PCDH11X: variants seen among roughly 807,000 people sequenced by gnomAD.
PCDH11X encodes protocadherin 11 X-linked.
In PCDH11X, 18 loss-of-function variants were observed where a neutral mutation model predicts 53.3. The observed-to-expected ratio is 0.34, with a 90% CI of 0.23 to 0.50. The LOEUF is 0.50. PCDH11X is among the 20% of genes least tolerant of loss of function. The pLI, the probability that PCDH11X is intolerant of heterozygous loss-of-function variation, is 0.98. For synonymous variants in PCDH11X, 279 were observed against 393.3 expected (o/e 0.71, Z 3.44); for missense variants, 570 against 1,032.4 (o/e 0.55, Z 6.14).
At chrX:92,000,398 A>C (rs1001390536) in intron 6 of PCDH11X, among the ~76,000 whole-genome samples, 5 of 110,699 alleles carry the variant, frequency 4.5e-5, no homozygotes, top group African/African-American at 1.6e-4. Flanking sequence ...ATTATATTTA[A>C]AGTTATACCT....
chrX:92,490,680 C>G (rs1285061265), intron 10 of PCDH11X, among the ~76,000 whole-genome samples: 1 of 105,188 alleles, frequency 9.5e-6, no homozygotes, highest in Non-Finnish European at 1.9e-5. Flanking sequence ...CACTATCATG[C>G]GTGCCCAGGA....
chrX:92,330,456 G>A lies in PCDH11X; in HGVS notation c.3145-57279G>A, dbSNP rs193026850. 6.2e-3 allele frequency among the ~76,000 whole-genome samples: 691 copies of A among 111,101 alleles called. 8 individuals carry two copies. The highest frequency in any genetic ancestry group is 0.022 in the African/African-American group (676 of 30,602). On this transcript the variant is annotated intron_variant, in intron 8 of 10. Coordinates refer to ENST00000682573, the MANE Select transcript of PCDH11X (RefSeq NM_032968.5). ...TATTGGTGAGGATGTGGAGCAACTG[G>A]AACTCTCTTACACTGCTGGTGGAAA... is the stretch of plus-strand genomic sequence containing the variant.
intron 10 of PCDH11X, among the ~76,000 whole-genome samples, chrX:92,560,200 C>T (rs1383702178): frequency 9.0e-6 from 1 of 111,335 alleles, no homozygotes; most frequent in Non-Finnish European, 1.9e-5. Context: ...CTAGATACAA[C>T]CGGGGCTGGA....
chrX:92,553,828 C>A (rs2075002460), intron 10 of PCDH11X, among the ~76,000 whole-genome samples: 1 of 109,871 alleles, frequency 9.1e-6, no homozygotes, highest in Admixed American at 9.8e-5. Context: ...TTCTTAATTT[C>A]TGGAGTTCTA....
At chrX:92,360,532 T>C (rs1380403071) in intron 8 of PCDH11X, among the ~76,000 whole-genome samples, 1 of 109,933 alleles carries the variant, frequency 9.1e-6, no homozygotes, top group Non-Finnish European at 1.9e-5. Context: ...TTTAAAACAT[T>C]GCAGGGAAAA....
At chrX:91,858,799 A>G (rs1247954303) in intron 5 of PCDH11X, among the ~76,000 whole-genome samples, 1 of 109,352 alleles carries the variant, frequency 9.1e-6, no homozygotes, top group Non-Finnish European at 1.9e-5. Flanking sequence ...TTTATTGTCC[A>G]TTTCACTATC....
intron 6 of PCDH11X, among the ~76,000 whole-genome samples, chrX:92,183,380 C>T (rs6522490): frequency 0.48 from 51,830 of 107,408 alleles, 10,012 homozygotes; most frequent in Non-Finnish European, 0.6. Context: ...CCTCAGCCTC[C>T]CAAATAGCTG....
intron 6 of PCDH11X, among the ~76,000 whole-genome samples, chrX:92,136,163 A>G (rs1377207583): frequency 2.7e-5 from 3 of 110,991 alleles, no homozygotes; most frequent in African/African-American, 9.8e-5. Flanking sequence ...TAAAAGTCAA[A>G]CATCTTGTTG....
intron 6 of PCDH11X, among the ~76,000 whole-genome samples, chrX:92,180,121 T>C (rs1354478622): frequency 8.9e-6 from 1 of 112,033 alleles, no homozygotes; most frequent in Non-Finnish European, 1.9e-5. Context: ...CTTACAATCA[T>C]GGCAGAAGTT....
At chrX:91,977,613 C>A (rs967491333) in intron 6 of PCDH11X, among the ~76,000 whole-genome samples, 7 of 110,471 alleles carry the variant, frequency 6.3e-5, no homozygotes, top group Non-Finnish European at 1.3e-4. Flanking sequence ...GTAGCAGGAA[C>A]AGTCAGTCTC....
intron 6 of PCDH11X, among the ~76,000 whole-genome samples, chrX:91,994,939 T>G (rs771742905): frequency 2.1e-3 from 236 of 111,948 alleles, no homozygotes; most frequent in African/African-American, 7.4e-3. Flanking sequence ...AGCCATCATT[T>G]TTTTGTCTTT....
chrX:91,926,449 A>C (rs1941951987), intron 6 of PCDH11X, among the ~76,000 whole-genome samples: 2 of 111,187 alleles, frequency 1.8e-5, no homozygotes, highest in African/African-American at 6.5e-5. Context: ...TATTTTAGAA[A>C]ACATTTCATA....
At chrX:92,031,664 G>A (rs1459851715) in intron 6 of PCDH11X, among the ~76,000 whole-genome samples, 1 of 111,259 alleles carries the variant, frequency 9.0e-6, no homozygotes, top group Non-Finnish European at 1.9e-5. Flanking sequence ...TTTGTATATG[G>A]TGAGAGACAG....
chrX:92,321,632 G>T (rs1410831017), intron 8 of PCDH11X, among the ~76,000 whole-genome samples: 3 of 111,571 alleles, frequency 2.7e-5, no homozygotes, highest in African/African-American at 9.8e-5. Context: ...GCCTGCTAAG[G>T]CCTTAGATCC....
intron 6 of PCDH11X, among the ~76,000 whole-genome samples, chrX:92,118,893 C>T (rs1315333422): frequency 9.5e-6 from 1 of 105,459 alleles, no homozygotes; most frequent in Non-Finnish European, 1.9e-5. Context: ...AGGCGCCCGC[C>T]ACCACGCCCA....
intron 6 of PCDH11X, among the ~76,000 whole-genome samples, chrX:91,965,579 GA>G (rs1163753077): frequency 9.4e-6 from 1 of 106,117 alleles, no homozygotes; most frequent in African/African-American, 3.6e-5. Flanking sequence ...GACCAATTAA[GA>G]GACTTGACAA....
At chrX:92,254,452 T>C (rs375464548) in intron 7 of PCDH11X, among the ~76,000 whole-genome samples, 43 of 109,750 alleles carry the variant, frequency 3.9e-4, no homozygotes, top group Non-Finnish European at 6.6e-4. Flanking sequence ...TTAAAGTTAA[T>C]AGTGTTATGT....
At chrX:91,852,544 T>C (rs1938092364) in intron 5 of PCDH11X, among the ~76,000 whole-genome samples, 1 of 111,827 alleles carries the variant, frequency 8.9e-6, no homozygotes, top group Non-Finnish European at 1.9e-5. Context: ...TTTATGCCGA[T>C]TTCAGAGTAA....
intron 6 of PCDH11X, among the ~76,000 whole-genome samples, chrX:91,907,986 G>C (rs1426778503): frequency 4.5e-5 from 5 of 111,613 alleles, no homozygotes; most frequent in Non-Finnish European, 9.4e-5. Context: ...TGCCTGCATA[G>C]TGTTCCATGG....
Sources: allele counts gnomAD v4.1 joint callset (sites outside exome capture counted in the v4.1 genomes callset), GRCh38; gene constraint gnomAD v4.1.1; transcripts MANE v1.5; gene names NCBI Gene and HGNC (gene_info 2026-07-23, HGNC 2026-07-21).